The following DNAJC2 variants were observed in gnomAD, a reference collection of about 807,000 sequenced individuals.
DNAJC2 encodes the protein DnaJ heat shock protein family (Hsp40) member C2.
A neutral mutation model predicts 94.0 loss-of-function variants in DNAJC2; 32 were observed. The ratio of observed to expected loss-of-function variants is 0.34; its 90% CI spans 0.26 to 0.46. The LOEUF is 0.46. DNAJC2 is among the 20% of genes least tolerant of loss of function. DNAJC2 has a pLI of 1.00. For missense variants in DNAJC2, 550 were observed against 719.5 expected, an observed-to-expected ratio of 0.76 and a Z score of 2.69; for synonymous variants, 210 against 229.7, an observed-to-expected ratio of 0.91 and a Z score of 0.77.
At chr7:103,331,973 C>G (rs1190309986) in intron 3 of DNAJC2, among the ~76,000 whole-genome samples, 1 of 151,548 alleles carries the variant, frequency 6.6e-6, no homozygotes, top group African/African-American at 2.4e-5. Flanking sequence ...TTCCTACCAA[C>G]AGTGTATAAA....
At chr7:103,339,848 CTTTT>C (rs1449684037) in intron 2 of DNAJC2, among the ~76,000 whole-genome samples, 1 of 147,966 alleles carries the variant, frequency 6.8e-6, no homozygotes, top group Non-Finnish European at 1.5e-5. Flanking sequence ...TCCCACGCCC[CTTTT>C]TTTGAGATAG....
chr7:103,338,207 C>A (rs1819247614), intron 2 of DNAJC2, among the ~76,000 whole-genome samples: 1 of 149,918 alleles, frequency 6.7e-6, no homozygotes, highest in Non-Finnish European at 1.5e-5. Flanking sequence ...TAAGTAGAGG[C>A]TGCAGTGAGC....
chr7:103,338,277 T>C (rs948314585), intron 2 of DNAJC2, among the ~76,000 whole-genome samples: 8 of 150,754 alleles, frequency 5.3e-5, no homozygotes, highest in Non-Finnish European at 1.2e-4. Context: ...CTTTTTTTTT[T>C]TTTTTTTAAT....
Position 103,322,629 on chromosome 7 carries a change from T to A in DNAJC2, c.815A>T (p.Asn272Ile), listed in dbSNP as rs1439403149. ...TATCCTTGGATCACAGCTGTATGCA[T>A]TGTCTAGCAAAAGAAAAAGTTAATC... ...EMNRIRTLVD[N>I]AYSCDPRIKK... Residue 272 changes from asparagine (N) to isoleucine (I), a missense_variant, in exon 9 of 17, where the codon AAT becomes ATT. By Grantham distance (149) the Asn-to-Ile change is moderately radical. Transcript: ENST00000379263. 1 of 1,613,146 alleles carries A rather than the reference T, an allele frequency of 6.2e-7. No homozygotes were observed. The highest frequency in any genetic ancestry group is 8.5e-7 in the Non-Finnish European group (1 of 1,179,770).
At chr7:103,328,545 C>T (rs1007614884) in intron 3 of DNAJC2, among the ~76,000 whole-genome samples, 1 of 152,042 alleles carries the variant, frequency 6.6e-6, no homozygotes, top group East Asian at 1.9e-4. Context: ...ACATAAGAAT[C>T]GCTTGAACCC....
chr7:103,343,102 C>T (rs1819451138), intron 1 of DNAJC2, among the ~76,000 whole-genome samples: 1 of 151,962 alleles, frequency 6.6e-6, no homozygotes, highest in South Asian at 2.1e-4. Flanking sequence ...CGGGTTCAAA[C>T]GATTCTTCTG....
intron 12 of DNAJC2, among the ~76,000 whole-genome samples, chr7:103,318,686 G>A (rs981955318): frequency 6.6e-5 from 10 of 152,138 alleles, no homozygotes; most frequent in African/African-American, 2.2e-4. Context: ...TTGAATTTCT[G>A]GGCCTGTTTT....
At chr7:103,315,132 A>G (rs1348112055) in intron 15 of DNAJC2, among the ~76,000 whole-genome samples, 1 of 151,876 alleles carries the variant, frequency 6.6e-6, no homozygotes, top group Non-Finnish European at 1.5e-5. Flanking sequence ...ATTGGTCTAG[A>G]GTAATCACAA....
chr7:103,343,617 T>A (rs1302877760), intron 1 of DNAJC2, among the ~76,000 whole-genome samples: 1 of 152,164 alleles, frequency 6.6e-6, no homozygotes, highest in African/African-American at 2.4e-5. Context: ...TACAAACTTG[T>A]AGTAAAGGTA....
intron 1 of DNAJC2, 163 bp downstream of exon 1, chr7:103,344,396 G>T: frequency 2.8e-6 from 2 of 704,612 alleles, no homozygotes; most frequent in Non-Finnish European, 4.8e-6. Flanking sequence ...TCTAGGGTAG[G>T]ATTACTTTAA....
At chr7:103,333,304 A>G (rs1441456512) in intron 3 of DNAJC2, among the ~76,000 whole-genome samples, 3 of 152,224 alleles carry the variant, frequency 2.0e-5, no homozygotes, top group African/African-American at 7.2e-5. Context: ...AAAAAGTAAC[A>G]GAATAGGTTA....
Position 103,316,937 on chromosome 7 carries a change from T to C in DNAJC2, c.1320A>G (p.Thr440=), listed in dbSNP as rs61762984. 14,831 of 1,614,034 alleles carry C rather than the reference T, an allele frequency of 9.2e-3. 121 individuals carry two copies. The highest frequency in any genetic ancestry group is 0.01 in the Non-Finnish European group (12,220 of 1,179,930). Residue 440 remains threonine (T), a synonymous_variant, in exon 13 of 17, where the codon ACA becomes ACG. Transcript: ENST00000379263. ...TTCCACCTCCACCAGTTGATTTCTC[T>C]GTGTTCTTAGATGCTTGTCGCATAC... ...EARMRQASKN[T]EKSTGGGGNG...
intron 10 of DNAJC2, 88 bp downstream of exon 10, chr7:103,321,844 T>A: frequency 6.9e-7 from 1 of 1,453,202 alleles, no homozygotes; most frequent in Non-Finnish European, 9.4e-7. Flanking sequence ...CGAGACCCCA[T>A]CTAAAAAACA....
Position 103,326,574 on chromosome 7 carries a change from C to G in DNAJC2, c.541G>C (p.Val181Leu). The G allele has an allele frequency of 6.2e-7, 1 of 1,614,002 alleles. No homozygotes were observed. Among genetic ancestry groups the G allele is most frequent in the Non-Finnish European group, 8.5e-7 (1 of 1,179,974 alleles). Residue 181 changes from valine to leucine, a missense_variant, in exon 5 of 17, where the codon GTG becomes CTG. Val to Leu is a conservative substitution (Grantham distance 32, BLOSUM62 1). Coordinates refer to ENST00000379263, the MANE Select transcript of DNAJC2 (RefSeq NM_014377.3). ...KSEAKDNFFE[V>L]FTPVFERNSR... The stretch of plus-strand genomic sequence containing the variant: ...TTCCTTTCAAACACTGGGGTAAACA[C>G]TTCGAAGAAATTATCCTTTGCTTCA...
At chr7:103,318,918 C>T (rs1285753083) in intron 12 of DNAJC2, among the ~76,000 whole-genome samples, 1 of 152,186 alleles carries the variant, frequency 6.6e-6, no homozygotes, top group Non-Finnish European at 1.5e-5. Flanking sequence ...CAGCACCTTA[C>T]TACATAAACA....
At chr7:103,337,618 C>T in intron 3 of DNAJC2, 118 bp downstream of exon 3, 1 of 803,280 alleles carries the variant, frequency 1.2e-6, no homozygotes, top group Non-Finnish European at 2.0e-6. Flanking sequence ...GACAATATAA[C>T]ACATGCTGTT....
chr7:103,342,554 C>T (rs1170656264), intron 1 of DNAJC2, among the ~76,000 whole-genome samples: 5 of 151,812 alleles, frequency 3.3e-5, no homozygotes, highest in Non-Finnish European at 5.9e-5. Flanking sequence ...ATCTGCCTGC[C>T]TCGGCCTCCC....
intron 7 of DNAJC2, 100 bp from the exon 8 acceptor site, chr7:103,322,894 G>A: frequency 1.1e-6 from 1 of 949,590 alleles, no homozygotes; most frequent in South Asian, 1.6e-5. Context: ...TAACATCCTA[G>A]AGGTTAAAAT....
chr7:103,329,869 T>G (rs1818893872), intron 3 of DNAJC2, among the ~76,000 whole-genome samples: 1 of 152,218 alleles, frequency 6.6e-6, no homozygotes, highest in Admixed American at 6.5e-5. Flanking sequence ...TCCTATATTA[T>G]CTACAAATAA....
Sources: gnomAD v4.1 joint callset for allele counts (sites outside exome capture counted in the v4.1 genomes callset) on GRCh38, gnomAD v4.1.1 for gene constraint, MANE v1.5 for transcripts, NCBI Gene and HGNC (gene_info 2026-07-23, HGNC 2026-07-21) for gene names.